Variants in ADAMTSL3 observed in about 807,000 individuals in gnomAD.
The protein encoded by ADAMTSL3 is ADAMTS-like protein 3.
Under a neutral mutation model 201.7 loss-of-function variants are expected in ADAMTSL3, and 128 were observed. The ratio of observed to expected loss-of-function variants is 0.63; its 90% CI spans 0.55 to 0.73. The LOEUF is 0.73. Ranked by LOEUF, ADAMTSL3 falls within the 30% of genes least tolerant of loss-of-function variation. The probability of loss-of-function intolerance (pLI) is 0.00; values close to 1 mark genes in which losing one functional copy is unlikely to be tolerated. For synonymous variants in ADAMTSL3, 738 were observed against 748.4 expected (o/e 0.99, Z 0.23); for missense variants, 1,990 against 2,119.6 (o/e 0.94, Z 1.20).
intron 6 of ADAMTSL3, among the ~76,000 whole-genome samples, chr15:83,837,379 C>G (rs1190741668): frequency 6.6e-6 from 1 of 151,446 alleles, no homozygotes; most frequent in Admixed American, 6.6e-5. Context: ...GAAGGTTATA[C>G]ATCAAATTTA....
chr15:83,654,893 T>C lies in ADAMTSL3; in HGVS notation c.-34+617T>C, dbSNP rs2061056050. Among the ~76,000 whole-genome samples, 1 of 152,112 alleles carries C rather than the reference T, an allele frequency of 6.6e-6. No homozygotes were observed. Among genetic ancestry groups the C allele is most frequent in the Non-Finnish European group, 1.5e-5 (1 of 68,014 alleles). Reference sequence around the variant, plus strand: ...ACAGCAGCACATTTGCGGATCACATTAGACCAGGCCCTTAATGCCTTCTCC... The same window carrying C: ...ACAGCAGCACATTTGCGGATCACATCAGACCAGGCCCTTAATGCCTTCTCC... On this transcript the variant is annotated intron_variant, in intron 1 of 29. Transcript: ENST00000286744. The surrounding 1 kb of genome is among the most constrained non-coding windows in gnomAD (Gnocchi z 5.3).
intron 5 of ADAMTSL3, among the ~76,000 whole-genome samples, chr15:83,805,285 CA>C (rs2063583976): frequency 6.6e-6 from 1 of 152,188 alleles, no homozygotes; most frequent in Non-Finnish European, 1.5e-5. Flanking sequence ...AGGCCAGGCG[CA>C]TTGGCTCATG....
chr15:83,715,973 C>T (rs1327702121), intron 3 of ADAMTSL3, among the ~76,000 whole-genome samples: 1 of 152,222 alleles, frequency 6.6e-6, no homozygotes, highest in African/African-American at 2.4e-5. Context: ...AACAGCGTTT[C>T]TTCCTGCTCT....
intron 7 of ADAMTSL3, among the ~76,000 whole-genome samples, chr15:83,847,430 AACCTT>A (rs1206260012): frequency 6.6e-6 from 1 of 151,962 alleles, no homozygotes; most frequent in Non-Finnish European, 1.5e-5. Context: ...GCTTGAAGCA[AACCTT>A]ACTATCCTAC....
chr15:83,910,882 C>T (rs530522683), intron 15 of ADAMTSL3, among the ~76,000 whole-genome samples: 18 of 151,622 alleles, frequency 1.2e-4, no homozygotes, highest in African/African-American at 2.4e-4. Flanking sequence ...TCAGGTGATT[C>T]GCCCGCCTCA....
At chr15:83,820,958 C>T (rs1188543558) in intron 6 of ADAMTSL3, among the ~76,000 whole-genome samples, 1 of 152,006 alleles carries the variant, frequency 6.6e-6, no homozygotes, top group Admixed American at 6.6e-5. Context: ...CCTGTAATTC[C>T]AGCTACTAGG....
At chr15:83,941,775 T>C (rs2066565188) in intron 17 of ADAMTSL3, among the ~76,000 whole-genome samples, 1 of 152,238 alleles carries the variant, frequency 6.6e-6, no homozygotes, top group Non-Finnish European at 1.5e-5. Context: ...CAGCATCCTT[T>C]TATGAACATT....
chr15:83,807,976 C>G (rs559268804), intron 5 of ADAMTSL3, among the ~76,000 whole-genome samples: 3 of 152,056 alleles, frequency 2.0e-5, no homozygotes, highest in Non-Finnish European at 4.4e-5. Context: ...TCACCGTGTA[C>G]AAAATCCACT....
chr15:83,748,285 T>G (rs1054289144), intron 3 of ADAMTSL3, among the ~76,000 whole-genome samples: 1 of 152,166 alleles, frequency 6.6e-6, no homozygotes, highest in Non-Finnish European at 1.5e-5. Flanking sequence ...TACATCTTCA[T>G]TATCAAGATT....
chr15:83,907,244 A>G (rs935535249), intron 15 of ADAMTSL3, among the ~76,000 whole-genome samples: 9 of 151,962 alleles, frequency 5.9e-5, no homozygotes, highest in Admixed American at 2.0e-4. Flanking sequence ...TATGAACTTG[A>G]TTTGTTTTCT....
At chr15:83,929,699 C>CACAG (rs778284936) in intron 17 of ADAMTSL3, among the ~76,000 whole-genome samples, 2,045 of 150,326 alleles carry the variant, frequency 0.014, 47 homozygotes, top group African/African-American at 0.046. Flanking sequence ...CACACACACA[C>CACAG]AGAGAGAGAC....
chr15:83,978,337 A>G (rs2067323039), intron 20 of ADAMTSL3, among the ~76,000 whole-genome samples: 1 of 152,144 alleles, frequency 6.6e-6, no homozygotes, highest in Admixed American at 6.5e-5. Flanking sequence ...GTTACAGAAG[A>G]AAGCTCATTT....
Position 83,822,904 on chromosome 15 carries a change from C to A in ADAMTSL3, c.600+2857C>A, listed in dbSNP as rs189743216. ...CGCCACTGCACTCCAGCCTGGGCAC[C>A]ATTGAGCACTGAGTGAAGCAGACTC... is the stretch of plus-strand genomic sequence containing the variant. On this transcript the variant is annotated intron_variant, in intron 6 of 29. Transcript: ENST00000286744. 5.9e-5 allele frequency among the ~76,000 whole-genome samples: 9 copies of A among 152,164 alleles called. No homozygotes were observed. The East Asian group carries it at 1.8e-3, about 30-fold the overall frequency.
chr15:83,748,948 C>T (rs2062595847), intron 3 of ADAMTSL3, among the ~76,000 whole-genome samples: 1 of 151,988 alleles, frequency 6.6e-6, no homozygotes, highest in Admixed American at 6.6e-5. Flanking sequence ...GTTTAACATG[C>T]AAGATGGTTA....
rs183289521 is a variant in ADAMTSL3 at position 83,873,809 on chromosome 15, C to T, written c.960+2850C>T. Among the ~76,000 whole-genome samples, 4 of 146,090 alleles carry T rather than the reference C, an allele frequency of 2.7e-5. 2 individuals carry two copies. The East Asian group carries it at 9.0e-4, about 33-fold the overall frequency. On this transcript the variant is annotated intron_variant, in intron 9 of 29. Transcript: ENST00000286744. ...TGCTTTGTCAGCAGAGCTGTTTGCCCTGCGGATTTGACAGCAGTGGTATGG... is the reference window on the plus strand; with the variant it reads ...TGCTTTGTCAGCAGAGCTGTTTGCCTTGCGGATTTGACAGCAGTGGTATGG...
chr15:83,970,173 A>C (rs2067166547), intron 19 of ADAMTSL3, among the ~76,000 whole-genome samples: 1 of 152,128 alleles, frequency 6.6e-6, no homozygotes, highest in Non-Finnish European at 1.5e-5. Context: ...AAATCCCACG[A>C]TAATAAATTA....
intron 3 of ADAMTSL3, among the ~76,000 whole-genome samples, chr15:83,725,066 A>G (rs1016712460): frequency 1.3e-5 from 2 of 151,388 alleles, no homozygotes; most frequent in East Asian, 1.9e-4. Context: ...TTTTGGGTAT[A>G]TACCTAGGAG....
chr15:83,715,789 C>T (rs1189247022), intron 3 of ADAMTSL3, among the ~76,000 whole-genome samples: 2 of 152,176 alleles, frequency 1.3e-5, no homozygotes, highest in South Asian at 2.1e-4. Flanking sequence ...TCCCTTATCC[C>T]CCATTTCTCT....
At chr15:84,030,790 C>A (rs2068393559) in intron 27 of ADAMTSL3, among the ~76,000 whole-genome samples, 1 of 152,134 alleles carries the variant, frequency 6.6e-6, no homozygotes, top group African/African-American at 2.4e-5. Flanking sequence ...ATTTTAATCC[C>A]CACAATCCCC....
Sources: gnomAD v4.1 joint callset for allele counts (sites outside exome capture counted in the v4.1 genomes callset) on GRCh38, gnomAD v4.1.1 for gene constraint, Gnocchi (gnomAD v3.1) non-coding constraint, MANE v1.5 for transcripts, NCBI Gene and HGNC (gene_info 2026-07-23, HGNC 2026-07-21) for gene names.